The following CNTN1 variants were observed in gnomAD, a reference collection of about 807,000 sequenced individuals.
CNTN1 encodes the protein contactin 1.
In CNTN1, 38 loss-of-function variants were observed where a neutral mutation model predicts 126.4. That is an observed-to-expected ratio of 0.30 (90% confidence interval 0.23 to 0.39). The LOEUF is 0.39. Ranked by LOEUF, CNTN1 falls within the 10% of genes least tolerant of loss-of-function variation. CNTN1 has a pLI of 1.00. For synonymous variants in CNTN1, 413 were observed against 422.6 expected (o/e 0.98, Z 0.28); for missense variants, 1,009 against 1,248.4 (o/e 0.81, Z 2.89).
At chr12:40,898,422 G>T (rs1047618864) in intron 1 of CNTN1, among the ~76,000 whole-genome samples, 1 of 151,936 alleles carries the variant, frequency 6.6e-6, no homozygotes, top group Non-Finnish European at 1.5e-5. Context: ...CTTGGTCTTC[G>T]AACGGGTTTT....
intron 1 of CNTN1, among the ~76,000 whole-genome samples, chr12:40,893,903 T>G (rs1001538526): frequency 6.6e-6 from 1 of 152,114 alleles, no homozygotes; most frequent in Non-Finnish European, 1.5e-5. Context: ...AATGGGAAAC[T>G]CAAATATAAT....
chr12:41,041,093 A>C (rs1949393775), intron 23 of CNTN1, among the ~76,000 whole-genome samples: 1 of 150,260 alleles, frequency 6.7e-6, no homozygotes, highest in South Asian at 2.1e-4. Context: ...CGTCCCATCA[A>C]TACCTAATTT....
chr12:41,004,663 G>A (rs2120633106), intron 17 of CNTN1, among the ~76,000 whole-genome samples: 1 of 152,196 alleles, frequency 6.6e-6, no homozygotes, highest in Non-Finnish European at 1.5e-5. Context: ...TTTTCTTGTT[G>A]AATTGAACCC....
chr12:40,964,403 A>G lies in CNTN1; in HGVS notation c.1804+5169A>G, dbSNP rs187149069. Among the ~76,000 whole-genome samples the G allele has an allele frequency of 3.9e-3, 589 of 152,250 alleles. 2 individuals are homozygous for G. Among genetic ancestry groups the G allele is most frequent in the Non-Finnish European group, 6.7e-3 (456 of 68,002 alleles). ...AGTAGCTGAAACTAAAGCAAATGATATGAAAACTCTGTAAATCATTTTCTC... is the reference window on the plus strand; with the variant it reads ...AGTAGCTGAAACTAAAGCAAATGATGTGAAAACTCTGTAAATCATTTTCTC... On this transcript the variant is annotated intron_variant, in intron 15 of 23. Transcript: ENST00000551295.
chr12:41,025,268 T>C lies in CNTN1; in HGVS notation c.2642T>C (p.Val881Ala). ...CCAGACACCCAGTATTTTATAGAAG[T>C]CGGGGCCTGCAATAGTGCAGGGTGT... Reference protein sequence around the residue: ...LLPDTQYFIEVGACNSAGCGP... With the variant: ...LLPDTQYFIEAGACNSAGCGP... The change falls in exon 21 of 24, where the codon GTC becomes GCC. Residue 881 changes from valine (V) to alanine (A), a missense_variant. Physicochemically the swap from Val to Ala is moderately conservative, Grantham distance 64. Coordinates refer to ENST00000551295, the MANE Select transcript of CNTN1 (RefSeq NM_001843.4). 6.2e-7 allele frequency: 1 copy of C among 1,613,882 alleles called. No individual in the cohort carries two copies. The highest frequency in any genetic ancestry group is 8.5e-7 in the Non-Finnish European group (1 of 1,179,836).
intron 23 of CNTN1, among the ~76,000 whole-genome samples, chr12:41,041,737 T>C (rs1949415937): frequency 1.3e-5 from 2 of 152,182 alleles, no homozygotes; most frequent in Admixed American, 1.3e-4. Flanking sequence ...TGGTAGTTTG[T>C]ATTTCTGTGG....
chr12:40,944,927 A>G (rs1946382479), intron 14 of CNTN1, among the ~76,000 whole-genome samples: 1 of 152,060 alleles, frequency 6.6e-6, no homozygotes, highest in Non-Finnish European at 1.5e-5. Context: ...AATTAGGAAA[A>G]CTTTTATTTT....
intron 1 of CNTN1, among the ~76,000 whole-genome samples, chr12:40,832,450 G>A (rs957943262): frequency 7.9e-5 from 12 of 151,980 alleles, no homozygotes; most frequent in African/African-American, 2.4e-4. Flanking sequence ...TATTCAGTAC[G>A]GTAACATGCT....
At chr12:40,705,293 C>A (rs1941709436) in intron 1 of CNTN1, among the ~76,000 whole-genome samples, 1 of 152,172 alleles carries the variant, frequency 6.6e-6, no homozygotes, top group Non-Finnish European at 1.5e-5. Context: ...CAATTGCTTG[C>A]AGTTGACACC....
At chr12:40,946,812 T>G (rs981039519) in intron 14 of CNTN1, among the ~76,000 whole-genome samples, 24 of 152,106 alleles carry the variant, frequency 1.6e-4, no homozygotes, top group African/African-American at 5.5e-4. Context: ...TTTTAACCAC[T>G]AAGGGGCAAC....
rs184990117 is a variant in CNTN1, at chr12:40,710,303, G to C, written c.-77+17711G>C. Among the ~76,000 whole-genome samples the C allele has an allele frequency of 3.3e-5, 5 of 152,266 alleles. No homozygotes were observed. In the East Asian group the frequency reaches 9.6e-4, roughly 29 times the overall value. On this transcript the variant is annotated intron_variant, in intron 1 of 23. Transcript: ENST00000551295. ...GGAGGAATTAGCCCTTGGTGGAGCA[G>C]TCAGAACACCTATTGATTAAGTATC...
chr12:40,718,703 C>T, intron 1 of CNTN1, among the ~76,000 whole-genome samples: 1 of 152,140 alleles, frequency 6.6e-6, no homozygotes, highest in East Asian at 1.9e-4. Flanking sequence ...CTACTATCCC[C>T]TATTTAAAGA....
intron 1 of CNTN1, among the ~76,000 whole-genome samples, chr12:40,847,667 T>C (rs1942561352): frequency 6.6e-6 from 1 of 152,230 alleles, no homozygotes; most frequent in South Asian, 2.1e-4. Flanking sequence ...ATAATGTGAA[T>C]AGCAATTACA....
intron 1 of CNTN1, among the ~76,000 whole-genome samples, chr12:40,767,434 G>A (rs1219865832): frequency 7.1e-6 from 1 of 140,004 alleles, no homozygotes; most frequent in African/African-American, 2.7e-5. Flanking sequence ...CCAGCCTCCC[G>A]AGTAGCTGGG....
In CNTN1 at chr12:40,844,069, A is replaced by ATTTTTTTTTTTTTTTTTT. The variant is rs397957366; in HGVS notation, c.-76-64272_-76-64271insTTTTTTTTTTTTTTTTTT. ...ATTGAAAAAATTCTTTGGCACAATG[A>ATTTTTTTTTTTTTTTTTT]TTTTTTTTTTTTTTTTGAGACGGAG... On this transcript the variant is annotated intron_variant, in intron 1 of 23. Transcript: ENST00000551295. Among the ~76,000 whole-genome samples, 157 of 84,624 alleles carry ATTTTTTTTTTTTTTTTTT rather than the reference A, an allele frequency of 1.9e-3. 33 individuals are homozygous for ATTTTTTTTTTTTTTTTTT. The highest frequency in any genetic ancestry group is 4.6e-3 in the African/African-American group (114 of 24,714). The allele number at this position is 84,624 out of a possible 152,430, so 55.5% of individuals were successfully genotyped here.
At chr12:40,995,754 A>C (rs1948197793) in intron 17 of CNTN1, among the ~76,000 whole-genome samples, 1 of 152,228 alleles carries the variant, frequency 6.6e-6, no homozygotes, top group African/African-American at 2.4e-5. Context: ...TGTAAAAAAA[A>C]AATTAATTCT....
chr12:41,047,808 C>T (rs1200192474), intron 23 of CNTN1, among the ~76,000 whole-genome samples: 6 of 152,056 alleles, frequency 3.9e-5, no homozygotes, highest in Non-Finnish European at 7.4e-5. Context: ...GTTCTTCCCA[C>T]GGTTCTACCC....
At chr12:40,877,682 A>G (rs999003318) in intron 1 of CNTN1, among the ~76,000 whole-genome samples, 2 of 152,210 alleles carry the variant, frequency 1.3e-5, no homozygotes, top group African/African-American at 4.8e-5. Context: ...TGTCTAAATA[A>G]TCAGAACAAA....
intron 23 of CNTN1, among the ~76,000 whole-genome samples, chr12:41,053,500 G>C: frequency 8.3e-6 from 1 of 120,832 alleles, no homozygotes; most frequent in Non-Finnish European, 1.6e-5. Context: ...TTCTTTATAA[G>C]GTGGCTTATT....
Sources: allele counts gnomAD v4.1 joint callset (sites outside exome capture counted in the v4.1 genomes callset), GRCh38; gene constraint gnomAD v4.1.1; transcripts MANE v1.5; gene names NCBI Gene and HGNC (gene_info 2026-07-23, HGNC 2026-07-21).